CTIF: variants seen among roughly 807,000 people sequenced by gnomAD.
The protein encoded by CTIF is CBP80/20-dependent translation initiation factor.
Under a neutral mutation model 66.0 loss-of-function variants are expected in CTIF, and 21 were observed. The observed-to-expected ratio is 0.32, with a 90% CI of 0.23 to 0.46. The LOEUF (loss-of-function observed/expected upper bound fraction) is 0.46. CTIF is among the 20% of genes least tolerant of loss of function. The probability of loss-of-function intolerance (pLI) is 1.00; values close to 1 mark genes in which losing one functional copy is unlikely to be tolerated. For missense variants in CTIF, 739 were observed against 812.7 expected, an observed-to-expected ratio of 0.91 and a Z score of 1.10; for synonymous variants, 345 against 326.4, an observed-to-expected ratio of 1.06 and a Z score of -0.62.
chr18:48,760,222 C>G (rs887585313), intron 8 of CTIF: 4 of 145,886 alleles, frequency 2.7e-5, no homozygotes, highest in African/African-American at 5.1e-5. Context: ...GAGTCTCGCT[C>G]TGTCACCCAG....
At chr18:48,636,271 C>T (rs2090820312) in intron 2 of CTIF, among the ~76,000 whole-genome samples, 1 of 152,218 alleles carries the variant, frequency 6.6e-6, no homozygotes, top group Non-Finnish European at 1.5e-5. Context: ...GTGGCTGAAG[C>T]CAGGTCAGGC....
At position 48,549,554 on chromosome 18, in the gene CTIF, T is replaced by C. The variant is rs183268873; in HGVS notation, c.-29+10242T>C. On this transcript the variant is annotated intron_variant, in intron 1 of 11. Transcript: ENST00000256413. Reference sequence around the variant, plus strand: ...GCCATCTTCAGCACATTGGCCTTTGTTCTCAGGCCAGTCCCCTTATGGTCA... The same window carrying C: ...GCCATCTTCAGCACATTGGCCTTTGCTCTCAGGCCAGTCCCCTTATGGTCA... 4.2e-3 allele frequency among the ~76,000 whole-genome samples: 639 copies of C among 152,318 alleles called. 4 individuals are homozygous for C. The highest frequency in any genetic ancestry group is 0.013 in the African/African-American group (556 of 41,576).
chr18:48,778,455 G>A (rs1910892830), intron 9 of CTIF, among the ~76,000 whole-genome samples: 1 of 152,200 alleles, frequency 6.6e-6, no homozygotes, highest in Non-Finnish European at 1.5e-5. Context: ...ATTCCCTTTT[G>A]GTAGAAAAGG....
intron 1 of CTIF, among the ~76,000 whole-genome samples, chr18:48,578,192 G>T (rs2089577794): frequency 6.6e-6 from 1 of 152,034 alleles, no homozygotes; most frequent in South Asian, 2.1e-4. Flanking sequence ...TCCATTAGGT[G>T]GTTACTCTAC....
At chr18:48,619,438 TAAG>T in intron 1 of CTIF, 97 bp from the exon 2 acceptor site, 2 of 746,614 alleles carry the variant, frequency 2.7e-6, no homozygotes, top group Non-Finnish European at 3.9e-6. Context: ...CCATGATGGA[TAAG>T]AAGATGCTTC....
At chr18:48,787,142 C>T (rs1911781324) in intron 9 of CTIF, among the ~76,000 whole-genome samples, 1 of 152,136 alleles carries the variant, frequency 6.6e-6, no homozygotes, top group African/African-American at 2.4e-5. Context: ...CTGGGAGCAG[C>T]TGTGTGGGGG....
intron 6 of CTIF, among the ~76,000 whole-genome samples, chr18:48,676,446 G>A (rs1057086000): frequency 6.6e-6 from 1 of 152,152 alleles, no homozygotes; most frequent in Non-Finnish European, 1.5e-5. Flanking sequence ...TTTCTCTTAG[G>A]AAATTTTGAA....
intron 9 of CTIF, among the ~76,000 whole-genome samples, chr18:48,766,719 C>G (rs1270233705): frequency 6.6e-6 from 1 of 152,204 alleles, no homozygotes; most frequent in African/African-American, 2.4e-5. Flanking sequence ...GTTGGGCTCT[C>G]TGCTGAGCCA....
chr18:48,645,741 G>A (rs113486913), intron 3 of CTIF, among the ~76,000 whole-genome samples: 2,099 of 152,278 alleles, frequency 0.014, 54 homozygotes, highest in African/African-American at 0.048. Context: ...CAGGGATGAT[G>A]AGGCCAGCCC....
chr18:48,833,718 C>T (rs938353226), intron 10 of CTIF, among the ~76,000 whole-genome samples: 24 of 152,162 alleles, frequency 1.6e-4, no homozygotes, highest in Non-Finnish European at 2.2e-4. Context: ...CCACCAAACT[C>T]TCCCCAGAAA....
At chr18:48,577,393 C>T (rs2089556675) in intron 1 of CTIF, among the ~76,000 whole-genome samples, 1 of 152,190 alleles carries the variant, frequency 6.6e-6, no homozygotes, top group Admixed American at 6.5e-5. Context: ...CCTGGACTTC[C>T]CTTCTGCCAT....
At chr18:48,542,958 G>A (rs905638124) in intron 1 of CTIF, among the ~76,000 whole-genome samples, 2 of 152,226 alleles carry the variant, frequency 1.3e-5, no homozygotes, top group Non-Finnish European at 2.9e-5. Flanking sequence ...CCCCAGCTCA[G>A]ATGTGCTGTG....
chr18:48,808,813 G>C (rs1395085060), intron 9 of CTIF, among the ~76,000 whole-genome samples: 1 of 152,190 alleles, frequency 6.6e-6, no homozygotes, highest in African/African-American at 2.4e-5. Flanking sequence ...GTTAAGAGTA[G>C]TGTAACTCTT....
chr18:48,812,830 G>A (rs897988757), intron 9 of CTIF, among the ~76,000 whole-genome samples: 8 of 151,678 alleles, frequency 5.3e-5, no homozygotes, highest in East Asian at 1.9e-4. Flanking sequence ...AGGGACTTCC[G>A]GAACACTGTG....
intron 6 of CTIF, among the ~76,000 whole-genome samples, chr18:48,690,315 C>T (rs1325638161): frequency 6.6e-6 from 1 of 152,190 alleles, no homozygotes; most frequent in Admixed American, 6.5e-5. Context: ...TACCAGTCTG[C>T]CCTGGGTTTG....
intron 7 of CTIF, among the ~76,000 whole-genome samples, chr18:48,738,039 A>G (rs1198797188): frequency 6.6e-6 from 1 of 152,166 alleles, no homozygotes; most frequent in African/African-American, 2.4e-5. Flanking sequence ...CCAAGCTTCC[A>G]TCTGCCCCAA....
At chr18:48,648,480 C>CACACACAT (rs1259567613) in intron 3 of CTIF, among the ~76,000 whole-genome samples, 2 of 151,260 alleles carry the variant, frequency 1.3e-5, no homozygotes, top group Non-Finnish European at 3.0e-5. Context: ...CACACACACA[C>CACACACAT]ACACACACGC....
chr18:48,565,241 T>C (rs1424890896), intron 1 of CTIF: 1 of 152,212 alleles, frequency 6.6e-6, no homozygotes, highest in East Asian at 1.9e-4. Context: ...TGGCACTGCC[T>C]TCATCAGTGA....
chr18:48,854,766 A>T lies in CTIF; in HGVS notation c.1528-2822A>T, dbSNP rs141296624. On this transcript the variant is annotated intron_variant, in intron 10 of 11. Coordinates refer to ENST00000256413, the MANE Select transcript of CTIF (RefSeq NM_014772.3). ...AGAGACCCTGTCTCTACAAAAAATA[A>T]AAAAAAATTAGCAGGGCATGATGGC... Among the ~76,000 whole-genome samples the T allele has an allele frequency of 3.6e-3, 553 of 152,148 alleles. 4 individuals are homozygous for T. The highest frequency in any genetic ancestry group is 0.013 in the African/African-American group (527 of 41,516).
Sources: allele counts gnomAD v4.1 joint callset (sites outside exome capture counted in the v4.1 genomes callset), GRCh38; gene constraint gnomAD v4.1.1; transcripts MANE v1.5; gene names NCBI Gene and HGNC (gene_info 2026-07-23, HGNC 2026-07-21).